The following EEA1 variants were observed in gnomAD, a reference collection of about 807,000 sequenced individuals.
EEA1 encodes the protein early endosome antigen 1, 162kD.
In EEA1, 111 loss-of-function variants were observed where a neutral mutation model predicts 209.2. The ratio of observed to expected loss-of-function variants is 0.53; its 90% CI spans 0.45 to 0.62. The LOEUF is 0.62. Among genes scored for constraint, EEA1 ranks in the 20% least tolerant of loss-of-function variants. The pLI is 0.00. For missense variants in EEA1, 1,343 were observed against 1,530.8 expected, an observed-to-expected ratio of 0.88 and a Z score of 2.05; for synonymous variants, 536 against 540.6, an observed-to-expected ratio of 0.99 and a Z score of 0.12.
intron 14 of EEA1, among the ~76,000 whole-genome samples, chr12:92,819,043 T>C (rs1341167964): frequency 1.3e-5 from 2 of 152,206 alleles, no homozygotes; most frequent in Non-Finnish European, 1.5e-5. Context: ...GAGCTAATAA[T>C]GTAAAATGAT....
intron 9 of EEA1, among the ~76,000 whole-genome samples, chr12:92,850,309 C>T (rs1863138254): frequency 6.6e-6 from 1 of 152,158 alleles, no homozygotes; most frequent in Admixed American, 6.5e-5. Context: ...GATCACTTAG[C>T]AGGGTTGGCA....
chr12:92,928,339 T>C (rs2136796281), intron 1 of EEA1, among the ~76,000 whole-genome samples: 1 of 152,330 alleles, frequency 6.6e-6, no homozygotes, highest in East Asian at 1.9e-4. Context: ...AGAAACTAAG[T>C]GTATATACCA....
At chr12:92,890,094 C>A (rs889508978) in intron 2 of EEA1, among the ~76,000 whole-genome samples, 2 of 152,192 alleles carry the variant, frequency 1.3e-5, no homozygotes, top group Non-Finnish European at 1.5e-5. Flanking sequence ...AAGCAAATAA[C>A]ACATGGTACC....
chr12:92,916,470 T>C (rs1880763840), intron 1 of EEA1, among the ~76,000 whole-genome samples: 1 of 150,602 alleles, frequency 6.6e-6, no homozygotes, highest in South Asian at 2.1e-4. Context: ...CTGATCGAAA[T>C]AGTGAAACCC....
intron 1 of EEA1, among the ~76,000 whole-genome samples, chr12:92,910,708 A>AG (rs550628917): frequency 2.6e-4 from 40 of 152,252 alleles, no homozygotes; most frequent in Non-Finnish European, 5.0e-4. Context: ...CACAGACTGG[A>AG]GAAAAATATT....
chr12:92,826,954 A>T (rs561112722), intron 12 of EEA1, among the ~76,000 whole-genome samples: 1 of 152,224 alleles, frequency 6.6e-6, no homozygotes, highest in South Asian at 2.1e-4. Context: ...TTTCCTTAAT[A>T]GTCATAATTA....
chr12:92,912,847 T>C (rs1334464704), intron 1 of EEA1, among the ~76,000 whole-genome samples: 1 of 152,220 alleles, frequency 6.6e-6, no homozygotes, highest in Non-Finnish European at 1.5e-5. Context: ...TCCAGTTCCA[T>C]CCCTGTTGCT....
intron 1 of EEA1, among the ~76,000 whole-genome samples, chr12:92,913,665 G>T (rs1880660970): frequency 6.6e-6 from 1 of 151,940 alleles, no homozygotes; most frequent in Non-Finnish European, 1.5e-5. Context: ...TTGTTTGTTT[G>T]TTAGTTTGTT....
chr12:92,840,546 A>G (rs1431940706), intron 10 of EEA1, among the ~76,000 whole-genome samples: 1 of 152,248 alleles, frequency 6.6e-6, no homozygotes, highest in East Asian at 1.9e-4. Flanking sequence ...TCCTGACCTC[A>G]GGTGATTTGC....
intron 2 of EEA1, among the ~76,000 whole-genome samples, chr12:92,888,146 A>G (rs1236348136): frequency 6.6e-6 from 1 of 152,002 alleles, no homozygotes; most frequent in East Asian, 1.9e-4. Flanking sequence ...TGTGCTGACA[A>G]AAAAAAAGGT....
chr12:92,782,032 G>A lies in EEA1; in HGVS notation c.3254C>T (p.Ala1085Val). The stretch of plus-strand genomic sequence containing the variant: ...CTTTGCTGAATCCTGCTCCAATGTA[G>A]CCTTGGCAGTCTTCAGTTCTTGAAT... ...KLIQELKTAK[A>V]TLEQDSAKKE... Residue 1085 changes from alanine to valine, a missense_variant, in exon 23 of 29, where the codon GCT (alanine) becomes GTT (valine). By Grantham distance (64) the Ala-to-Val change is moderately conservative. Around this residue, in one of 3 missense-constraint regions of EEA1, gnomAD observed 1,307 missense variants for 1,465.5 expected, o/e 0.89. Transcript: ENST00000322349. 1 of 1,613,078 alleles carries A rather than the reference G, an allele frequency of 6.2e-7. No individual in the cohort carries two copies. The highest frequency in any genetic ancestry group is 8.5e-7 in the Non-Finnish European group (1 of 1,179,380).
In EEA1 at chr12:92,787,916, T is replaced by C. The variant is rs1360195072; in HGVS notation, c.3101A>G (p.Asp1034Gly). Residue 1034 changes from aspartate to glycine, a missense_variant, in exon 22 of 29, where the codon GAT (aspartate) becomes GGT (glycine). This residue lies in a region of EEA1 where 1,307 missense variants were observed against 1,465.5 expected (regional missense o/e 0.89). Transcript: ENST00000322349. ...AAGTTCAGATTCCCTCCCATAGAAATCAGATTGAAGCTGTTTGAAAGTTTC... is the reference window on the plus strand; with the variant it reads ...AAGTTCAGATTCCCTCCCATAGAAACCAGATTGAAGCTGTTTGAAAGTTTC... ...SQETFKQLQS[D>G]FYGRESELLA... 4.3e-6 allele frequency: 7 copies of C among 1,612,408 alleles called. No homozygotes were observed. The highest frequency in any genetic ancestry group is 5.9e-6 in the Non-Finnish European group (7 of 1,179,292).
chr12:92,919,170 AGGAG>A (rs1398813781), intron 1 of EEA1, among the ~76,000 whole-genome samples: 1 of 150,830 alleles, frequency 6.6e-6, no homozygotes, highest in Non-Finnish European at 1.5e-5. Flanking sequence ...CAGAGGTACA[AGGAG>A]GAACTGGTAC....
intron 10 of EEA1, among the ~76,000 whole-genome samples, chr12:92,839,873 T>C (rs531770075): frequency 1.3e-5 from 2 of 152,282 alleles, no homozygotes; most frequent in Admixed American, 6.5e-5. Context: ...TGAAACTTCA[T>C]GGCAGCAGCC....
rs1471957949 is a variant in EEA1, at chr12:92,770,778, C to CGA, written c.*5232_*5233insTC. On this transcript the variant is annotated 3_prime_UTR_variant, in exon 29 of 29. Coordinates refer to ENST00000322349, the MANE Select transcript of EEA1 (RefSeq NM_003566.4). The stretch of plus-strand genomic sequence containing the variant: ...AAACTCATCTCAGGTATATAGTACT[C>CGA]TAACGTGGAAGTAGAAAATCCCAAA... 1.3e-5 allele frequency: 2 copies of CGA among 151,944 alleles called. No individual in the cohort carries two copies. The highest frequency in any genetic ancestry group is 4.8e-5 in the African/African-American group (2 of 41,362). The allele number at this position is 151,944 out of a possible 1,614,324, so 9.4% of individuals were successfully genotyped here. A position where few individuals can be genotyped will look rare whatever the true frequency, so the allele number is the denominator to read the frequency against.
intron 2 of EEA1, among the ~76,000 whole-genome samples, chr12:92,882,569 C>T (rs79981658): frequency 6.6e-6 from 1 of 151,132 alleles, no homozygotes; most frequent in Non-Finnish European, 1.5e-5. Context: ...CTGCCCACCC[C>T]CTTCCCTTCT....
At chr12:92,815,089 A>T (rs1389715314) in intron 15 of EEA1, among the ~76,000 whole-genome samples, 3 of 152,270 alleles carry the variant, frequency 2.0e-5, no homozygotes, top group Non-Finnish European at 4.4e-5. Flanking sequence ...TAGCTCATAA[A>T]GAAGTTAAAG....
intron 15 of EEA1, among the ~76,000 whole-genome samples, chr12:92,815,423 T>G (rs1040662945): frequency 1.3e-5 from 2 of 152,224 alleles, no homozygotes; most frequent in African/African-American, 2.4e-5. Flanking sequence ...ATCTATCATA[T>G]AACTCATCTA....
At chr12:92,815,058 T>C (rs565823283) in intron 15 of EEA1, among the ~76,000 whole-genome samples, 1 of 152,192 alleles carries the variant, frequency 6.6e-6, no homozygotes, top group African/African-American at 2.4e-5. Context: ...AGGCCATACA[T>C]CCTACTTTAT....
Sources: gnomAD v4.1 joint callset for allele counts (sites outside exome capture counted in the v4.1 genomes callset) on GRCh38, gnomAD v4.1.1 for gene constraint, gnomAD v4.1.1 regional missense constraint, MANE v1.5 for transcripts, NCBI Gene and HGNC (gene_info 2026-07-23, HGNC 2026-07-21) for gene names.